Variants in PAX3 observed in about 807,000 individuals in gnomAD.
PAX3 encodes the protein paired box 3.
In PAX3, 14 loss-of-function variants were observed where a neutral mutation model predicts 51.6. The observed-to-expected ratio is 0.27, with a 90% CI of 0.18 to 0.42. The LOEUF (loss-of-function observed/expected upper bound fraction) is 0.42, where lower values mean the gene tolerates loss of function less well. Among genes scored for constraint, PAX3 ranks in the 10% least tolerant of loss-of-function variants. The pLI, the probability that PAX3 is intolerant of heterozygous loss-of-function variation, is 1.00. For missense variants in PAX3, 540 were observed against 642.8 expected (o/e 0.84, Z 1.73); for synonymous variants, 280 against 253.4 (o/e 1.11, Z -1.00).
chr2:222,287,919 A>G (rs866606385), intron 4 of PAX3, among the ~76,000 whole-genome samples: 1 of 152,212 alleles, frequency 6.6e-6, no homozygotes, highest in Non-Finnish European at 1.5e-5. Context: ...AGCACAAAGA[A>G]AGAGATTCGA....
At chr2:222,254,158 TA>T (rs148509175) in intron 4 of PAX3, among the ~76,000 whole-genome samples, 2,895 of 151,762 alleles carry the variant, frequency 0.019, 32 homozygotes, top group Middle Eastern at 0.092. Context: ...ATTTTTTTTT[TA>T]AAAAAAAGTT....
intron 4 of PAX3, among the ~76,000 whole-genome samples, chr2:222,251,983 G>C (rs939527586): frequency 5.3e-5 from 8 of 152,090 alleles, no homozygotes; most frequent in African/African-American, 1.9e-4. Flanking sequence ...CCTCCAAATC[G>C]AAGATGTAAC....
chr2:222,271,004 A>G (rs774946650), intron 4 of PAX3, among the ~76,000 whole-genome samples: 1 of 152,248 alleles, frequency 6.6e-6, no homozygotes, highest in Non-Finnish European at 1.5e-5. Flanking sequence ...CAATGAGTAC[A>G]AAAGGAATCA....
At chr2:222,210,647 C>T (rs1227473029) in intron 7 of PAX3, among the ~76,000 whole-genome samples, 1 of 152,024 alleles carries the variant, frequency 6.6e-6, no homozygotes. Context: ...ATAAATTGAT[C>T]TTAGTACATT....
intron 4 of PAX3, among the ~76,000 whole-genome samples, chr2:222,283,332 T>A (rs1333728770): frequency 6.6e-6 from 1 of 152,104 alleles, no homozygotes; most frequent in Non-Finnish European, 1.5e-5. Context: ...AAGATAATAT[T>A]TTTAAAAAGA....
At chr2:222,220,382 A>ATGT (rs1559263685) in intron 6 of PAX3, 28 bp from the exon 7 acceptor site, 3 of 1,609,992 alleles carry the variant, frequency 1.9e-6, no homozygotes, top group Admixed American at 1.7e-5. Context: ...GTCAACCATC[A>ATGT]TGTTTTCTTT....
In PAX3 at chr2:222,211,972, G is replaced by A. The variant is rs115972008; in HGVS notation, c.1173+8168C>T. Among the ~76,000 whole-genome samples, 737 of 152,160 alleles carry A rather than the reference G, an allele frequency of 4.8e-3. 7 individuals are homozygous for A. Among genetic ancestry groups the A allele is most frequent in the African/African-American group, 0.017 (703 of 41,524 alleles). ...ATCATGAGGCTTGGTTTGGTTTCAG[G>A]GTGTTCAAATAGCATCATTCCTCTA... On this transcript the variant is annotated intron_variant, in intron 7 of 8. Coordinates refer to ENST00000392070, the MANE Select transcript of PAX3 (RefSeq NM_181458.4).
At chr2:222,233,473 T>A (rs1692685237) in intron 4 of PAX3, among the ~76,000 whole-genome samples, 1 of 152,100 alleles carries the variant, frequency 6.6e-6, no homozygotes, top group South Asian at 2.1e-4. Context: ...CAGGCCAGAA[T>A]TTGATGAGGG....
chr2:222,284,612 CGTGT>C (rs71053066), intron 4 of PAX3, among the ~76,000 whole-genome samples: 85,628 of 150,298 alleles, frequency 0.57, 24,634 homozygotes, highest in African/African-American at 0.68. Flanking sequence ...TGTCTGTGTG[CGTGT>C]GTGTGTGTGT....
chr2:222,278,865 C>T (rs765864332), intron 4 of PAX3, among the ~76,000 whole-genome samples: 1 of 152,198 alleles, frequency 6.6e-6, no homozygotes, highest in South Asian at 2.1e-4. Context: ...CAGCTCTCAG[C>T]GTCCTTTAGA....
At chr2:222,219,406 A>C (rs571391737) in intron 7 of PAX3, among the ~76,000 whole-genome samples, 16 of 152,338 alleles carry the variant, frequency 1.1e-4, no homozygotes, top group African/African-American at 3.4e-4. Flanking sequence ...CTGTATTTAA[A>C]CAACTGCTAA....
At chr2:222,207,257 A>G (rs1215516470) in intron 7 of PAX3, among the ~76,000 whole-genome samples, 1 of 152,180 alleles carries the variant, frequency 6.6e-6, no homozygotes, top group African/African-American at 2.4e-5. Flanking sequence ...GACTTTCCTG[A>G]AAATGTCCTC....
At chr2:222,251,208 CTCT>C (rs1384284975) in intron 4 of PAX3, among the ~76,000 whole-genome samples, 4 of 152,148 alleles carry the variant, frequency 2.6e-5, no homozygotes, top group African/African-American at 9.7e-5. Context: ...CACCCATTAA[CTCT>C]TCATTTAACA....
At chr2:222,298,354 A>G in intron 1 of PAX3, 177 bp downstream of exon 1, 1 of 618,598 alleles carries the variant, frequency 1.6e-6, no homozygotes, top group Non-Finnish European at 2.9e-6. Flanking sequence ...AGCGCGCTCC[A>G]TTTGCAGAAA....
intron 7 of PAX3, among the ~76,000 whole-genome samples, chr2:222,215,932 T>A (rs1055498294): frequency 4.6e-5 from 7 of 152,130 alleles, no homozygotes; most frequent in Non-Finnish European, 8.8e-5. Flanking sequence ...TCCAAAAAGG[T>A]TATGCAGTTC....
chr2:222,254,196 T>C (rs1233171247), intron 4 of PAX3, among the ~76,000 whole-genome samples: 1 of 152,178 alleles, frequency 6.6e-6, no homozygotes, highest in Non-Finnish European at 1.5e-5. Flanking sequence ...ACCAGACATG[T>C]TAGATGGTTA....
At chr2:222,291,737 C>T (rs1695047627) in intron 4 of PAX3, among the ~76,000 whole-genome samples, 1 of 152,160 alleles carries the variant, frequency 6.6e-6, no homozygotes, top group Admixed American at 6.5e-5. Flanking sequence ...GCGCTAAGAA[C>T]GCTTTATCAA....
At chr2:222,209,602 G>A (rs192348432) in intron 7 of PAX3, among the ~76,000 whole-genome samples, 24 of 150,320 alleles carry the variant, frequency 1.6e-4, no homozygotes, top group Admixed American at 1.5e-3. Context: ...GCTCATGCCT[G>A]TAATCTCAGC....
At chr2:222,206,675 C>T (rs1382222241) in intron 7 of PAX3, among the ~76,000 whole-genome samples, 1 of 152,104 alleles carries the variant, frequency 6.6e-6, no homozygotes, top group Non-Finnish European at 1.5e-5. Context: ...CTTACAATTG[C>T]TCCATGCCAT....
Sources: allele counts gnomAD v4.1 joint callset (sites outside exome capture counted in the v4.1 genomes callset), GRCh38; gene constraint gnomAD v4.1.1; transcripts MANE v1.5; gene names NCBI Gene and HGNC (gene_info 2026-07-23, HGNC 2026-07-21).